The following PCLO variants were observed in gnomAD, a reference collection of about 807,000 sequenced individuals.
The protein encoded by PCLO is protein piccolo.
In PCLO, 82 loss-of-function variants were observed where a neutral mutation model predicts 427.5. The observed-to-expected ratio is 0.19, with a 90% CI of 0.16 to 0.23. The LOEUF is 0.23. Among genes scored for constraint, PCLO ranks in the 10% least tolerant of loss-of-function variants. PCLO has a pLI of 1.00. For missense variants in PCLO, 6,239 were observed against 6,115.9 expected, an observed-to-expected ratio of 1.02 and a Z score of -0.67; for synonymous variants, 2,357 against 2,155.4, an observed-to-expected ratio of 1.09 and a Z score of -2.59.
intron 20 of PCLO, among the ~76,000 whole-genome samples, chr7:82,811,194 T>G (rs892345349): frequency 2.4e-4 from 36 of 151,722 alleles, no homozygotes; most frequent in African/African-American, 8.7e-4. Flanking sequence ...AATCAATAAT[T>G]TTGTTTATTC....
chr7:82,859,897 A>G (rs1792909553), intron 10 of PCLO, among the ~76,000 whole-genome samples: 1 of 152,168 alleles, frequency 6.6e-6, no homozygotes, highest in African/African-American at 2.4e-5. Context: ...GGAATCAAGC[A>G]GAAATTCTGG....
intron 3 of PCLO, among the ~76,000 whole-genome samples, chr7:83,092,254 G>A (rs1474466501): frequency 6.6e-6 from 1 of 152,132 alleles, no homozygotes; most frequent in Admixed American, 6.5e-5. Context: ...ACTGCCATTA[G>A]AGACATGATA....
chr7:82,959,891 C>A (rs185451593), intron 4 of PCLO, among the ~76,000 whole-genome samples: 32 of 152,260 alleles, frequency 2.1e-4, no homozygotes, highest in South Asian at 1.0e-3. Context: ...TAACCCCCTG[C>A]CATTTATTGA....
intron 8 of PCLO, among the ~76,000 whole-genome samples, chr7:82,903,141 G>C (rs796410500): frequency 1.3e-5 from 2 of 151,860 alleles, no homozygotes; most frequent in African/African-American, 4.8e-5. Context: ...TTAATTTTCA[G>C]CAATTAAGTT....
At chr7:82,907,154 T>C (rs559965266) in intron 8 of PCLO, among the ~76,000 whole-genome samples, 3 of 152,092 alleles carry the variant, frequency 2.0e-5, no homozygotes, top group Non-Finnish European at 2.9e-5. Flanking sequence ...TCAAAGAATA[T>C]TAGTTTGATA....
chr7:83,152,621 G>C (rs950846204), intron 2 of PCLO, among the ~76,000 whole-genome samples: 5 of 151,944 alleles, frequency 3.3e-5, no homozygotes, highest in Non-Finnish European at 5.9e-5. Flanking sequence ...TACTTTTGTA[G>C]CTCCAAGTTT....
chr7:82,987,866 C>G (rs1796289822), intron 3 of PCLO, among the ~76,000 whole-genome samples: 1 of 151,862 alleles, frequency 6.6e-6, no homozygotes, highest in Non-Finnish European at 1.5e-5. Flanking sequence ...TAACACAGAA[C>G]AAGAGTTAAA....
chr7:82,944,539 T>C (rs560954311), intron 6 of PCLO, among the ~76,000 whole-genome samples: 7 of 150,642 alleles, frequency 4.6e-5, no homozygotes, highest in Admixed American at 1.3e-4. Context: ...AGAGATAGAG[T>C]ACTAATTTAA....
chr7:82,955,308 T>A lies in PCLO; in HGVS notation c.5645A>T (p.Lys1882Ile). The A allele has an allele frequency of 6.2e-7, 1 of 1,613,454 alleles. No individual in the cohort carries two copies. Among genetic ancestry groups the A allele is most frequent in the African/African-American group, 1.3e-5 (1 of 74,954 alleles). ...ISPEKIIEVQ[K>I]VYKLPTAVSL... is the part of the protein sequence containing the mutation. The stretch of plus-strand genomic sequence containing the variant: ...AACAGCTGTGGGCAATTTATAAACT[T>A]TTTGTACTTCTATTATTTTTTCCGG... Residue 1882 changes from lysine (K) to isoleucine (I), a missense_variant, in exon 5 of 25, where the codon AAA becomes ATA. By Grantham distance (102) the Lys-to-Ile change is moderately radical (BLOSUM62 -3). Around this residue, in one of 5 missense-constraint regions of PCLO, gnomAD observed 4,677 missense variants for 4,468.4 expected, o/e 1.05. Transcript: ENST00000333891.
intron 3 of PCLO, among the ~76,000 whole-genome samples, chr7:83,131,288 T>C (rs1010560664): frequency 2.6e-5 from 4 of 152,170 alleles, no homozygotes; most frequent in African/African-American, 9.7e-5. Context: ...AAGGCTTAGG[T>C]TGAGGTCTGG....
intron 2 of PCLO, among the ~76,000 whole-genome samples, chr7:83,145,194 C>T (rs1241656433): frequency 6.6e-6 from 1 of 152,110 alleles, no homozygotes; most frequent in Non-Finnish European, 1.5e-5. Flanking sequence ...TCTCTAGTCT[C>T]AATTTTGAAC....
rs542958302 is a variant in PCLO, at chr7:83,075,205, T to C, written c.3300+59045A>G. On this transcript the variant is annotated intron_variant, in intron 3 of 24. Coordinates refer to ENST00000333891, the MANE Select transcript of PCLO (RefSeq NM_033026.6). ...AAAAATTGAGAGATATCACCAAGTA[T>C]AAGTGCTAAGTAGTATCGAGACATT... 2.0e-5 allele frequency among the ~76,000 whole-genome samples: 3 copies of C among 152,264 alleles called. No homozygotes were observed. The South Asian group carries it at 6.2e-4, about 32-fold the overall frequency.
intron 9 of PCLO, among the ~76,000 whole-genome samples, chr7:82,882,177 T>C (rs1028168872): frequency 6.6e-6 from 1 of 152,206 alleles, no homozygotes; most frequent in Non-Finnish European, 1.5e-5. Context: ...TGTAATGTTT[T>C]ATATTTCAAA....
At chr7:83,108,010 AAAG>A (rs1194268701) in intron 3 of PCLO, among the ~76,000 whole-genome samples, 4 of 147,930 alleles carry the variant, frequency 2.7e-5, no homozygotes, top group African/African-American at 7.7e-5. Context: ...AAAAAAAAAA[AAAG>A]GAAAGGAAGA....
Position 82,761,280 on chromosome 7 carries a change from A to G in PCLO, c.15142+79T>C, listed in dbSNP as rs1583944998. The G allele has an allele frequency of 3.9e-6, 3 of 773,256 alleles. No homozygotes were observed. In the East Asian group the frequency reaches 8.4e-5, roughly 22 times the overall value. The allele number at this position is 773,256 out of a possible 1,614,324, so 47.9% of individuals were successfully genotyped here. ...ATATTTGGTGTACAGTTCAAATTTT[A>G]GTTAACATTTTCCAGAATATGTAAG... On this transcript the variant is annotated intron_variant, in intron 23 of 24. Transcript: ENST00000333891.
At position 83,162,694 on chromosome 7, in the gene PCLO, G is replaced by A; in HGVS notation, c.-102C>T. The A allele has an allele frequency of 2.1e-6, 3 of 1,400,882 alleles. No individual in the cohort carries two copies. The South Asian group carries it at 4.5e-5, about 21-fold the overall frequency. 86.8% of individuals were successfully genotyped at this position (1,400,882 alleles called of 1,614,324 possible). ...AGTCAGAGCCGGGGTCCGCCTCGGG[G>A]CGTGCAGGCAGCCGAGTCCCTGGAC... On this transcript the variant is annotated 5_prime_UTR_variant, in exon 1 of 25. Transcript: ENST00000333891.
At chr7:83,008,102 T>C (rs556039393) in intron 3 of PCLO, among the ~76,000 whole-genome samples, 2 of 151,330 alleles carry the variant, frequency 1.3e-5, no homozygotes, top group East Asian at 1.9e-4. Context: ...TACACACACA[T>C]ACATACAAAA....
At position 82,914,707 on chromosome 7, in the gene PCLO, G is replaced by A. The variant is rs1794401315; in HGVS notation, c.13279C>T (p.His4427Tyr). ...DIAFIMDDFQHAMSDSEAYHL... is the reference protein window; with the variant it reads ...DIAFIMDDFQYAMSDSEAYHL... Reference sequence around the variant, plus strand: ...TTACCTTCACTGTCTGACATGGCATGTTGGAAGTCATCCATGATGAATGCT... The same window carrying A: ...TTACCTTCACTGTCTGACATGGCATATTGGAAGTCATCCATGATGAATGCT... Residue 4427 changes from histidine (H) to tyrosine (Y), a missense_variant, in exon 7 of 25, where the codon CAT (histidine) becomes TAT (tyrosine). This residue lies in a region of PCLO where 877 missense variants were observed against 925.5 expected (regional missense o/e 0.95). Transcript: ENST00000333891. 2 of 1,613,174 alleles carry A rather than the reference G, an allele frequency of 1.2e-6. No individual in the cohort carries two copies. Among genetic ancestry groups the A allele is most frequent in the Non-Finnish European group, 1.7e-6 (2 of 1,179,566 alleles).
Position 83,156,349 on chromosome 7 carries a change from T to C in PCLO, c.292A>G (p.Arg98Gly), listed in dbSNP as rs1270077287. 7 of 1,611,948 alleles carry C rather than the reference T, an allele frequency of 4.3e-6. No homozygotes were observed. Among genetic ancestry groups the C allele is most frequent in the Non-Finnish European group, 5.9e-6 (7 of 1,178,886 alleles). Reference protein sequence around the residue: ...DSSHPPKQSGRPPDPGRPAQP... With the variant: ...DSSHPPKQSGGPPDPGRPAQP... ...GCTGGACGCCCAGGGTCCGGGGGTC[T>C]TCCTGATTGCTTTGGAGGATGACTA... Residue 98 changes from arginine (R) to glycine (G), a missense_variant, in exon 2 of 25, where the codon AGA (arginine) becomes GGA (glycine). Around this residue, in one of 5 missense-constraint regions of PCLO, gnomAD observed 4,677 missense variants for 4,468.4 expected, o/e 1.05. Transcript: ENST00000333891.
Sources: gnomAD v4.1 joint callset for allele counts (sites outside exome capture counted in the v4.1 genomes callset) on GRCh38, gnomAD v4.1.1 for gene constraint, gnomAD v4.1.1 regional missense constraint, MANE v1.5 for transcripts, NCBI Gene and HGNC (gene_info 2026-07-23, HGNC 2026-07-21) for gene names.